The following MARCHF1 variants were observed in gnomAD, a reference collection of about 807,000 sequenced individuals.
MARCHF1 encodes membrane associated ring-CH-type finger 1.
In MARCHF1, 40 loss-of-function variants were observed where a neutral mutation model predicts 54.2. The observed-to-expected ratio is 0.74, with a 90% CI of 0.57 to 0.96. MARCHF1 has a LOEUF of 0.96. Ranked by LOEUF, MARCHF1 falls within the 40% of genes least tolerant of loss-of-function variation. MARCHF1 has a pLI of 0.00. For synonymous variants in MARCHF1, 236 were observed against 236.3 expected, an observed-to-expected ratio of 1.00 and a Z score of 0.01; for missense variants, 586 against 656.5, an observed-to-expected ratio of 0.89 and a Z score of 1.17.
At chr4:163,872,057 A>T (rs1750180340) in intron 3 of MARCHF1, among the ~76,000 whole-genome samples, 1 of 152,256 alleles carries the variant, frequency 6.6e-6, no homozygotes, top group African/African-American at 2.4e-5. Flanking sequence ...ACAATAAATC[A>T]ACCAGTAGAT....
At chr4:164,331,557 G>A (rs1397469759) in intron 1 of MARCHF1, among the ~76,000 whole-genome samples, 3 of 152,138 alleles carry the variant, frequency 2.0e-5, no homozygotes, top group Non-Finnish European at 4.4e-5. Context: ...TAAAATGCTA[G>A]CAGAGTTCAC....
In MARCHF1 at chr4:164,138,793, T is replaced by A. The variant is rs140448732; in HGVS notation, c.-322-27131A>T. Among the ~76,000 whole-genome samples the A allele has an allele frequency of 2.2e-4, 33 of 152,280 alleles. 1 individual carries two copies. The highest frequency in any genetic ancestry group is 7.0e-4 in the African/African-American group (29 of 41,548). On this transcript the variant is annotated intron_variant, in intron 1 of 9. Coordinates refer to ENST00000514618, the MANE Select transcript of MARCHF1 (RefSeq NM_001394959.1). Reference sequence around the variant, plus strand: ...CCTTGCTGGGAGAAGTTTCCAGCAATAAGTAAGGCTATCTTAGAGAGATTA... The same window carrying A: ...CCTTGCTGGGAGAAGTTTCCAGCAAAAAGTAAGGCTATCTTAGAGAGATTA...
intron 4 of MARCHF1, among the ~76,000 whole-genome samples, chr4:163,733,201 A>ATATATATATATACACGTG (rs1745910293): frequency 2.9e-5 from 1 of 34,260 alleles, no homozygotes; most frequent in African/African-American, 8.8e-5. Context: ...ATATATATAT[A>ATATATATATATACACGTG]TATATATATA....
At chr4:163,573,935 T>C (rs1485007839) in intron 8 of MARCHF1, among the ~76,000 whole-genome samples, 1 of 150,130 alleles carries the variant, frequency 6.7e-6, no homozygotes, top group Non-Finnish European at 1.5e-5. Context: ...ACCAACAGTG[T>C]AAAAGTGTTC....
chr4:164,127,180 T>C (rs1756202789), intron 1 of MARCHF1, among the ~76,000 whole-genome samples: 2 of 152,182 alleles, frequency 1.3e-5, no homozygotes, highest in Admixed American at 6.5e-5. Context: ...TCGTGTTTTG[T>C]GGAAGGTAGA....
intron 2 of MARCHF1, among the ~76,000 whole-genome samples, chr4:164,092,811 A>T (rs900481405): frequency 1.3e-5 from 2 of 151,276 alleles, no homozygotes; most frequent in Admixed American, 1.3e-4. Context: ...CTCAATTATC[A>T]GAAGGAAATT....
intron 8 of MARCHF1, among the ~76,000 whole-genome samples, chr4:163,558,786 TAGAG>T (rs1287230797): frequency 1.3e-5 from 2 of 152,288 alleles, no homozygotes; most frequent in Admixed American, 1.3e-4. Flanking sequence ...GAGCGTGCCC[TAGAG>T]AGAGGGTGAG....
chr4:163,704,702 T>C (rs1744901654), intron 4 of MARCHF1, among the ~76,000 whole-genome samples: 1 of 151,708 alleles, frequency 6.6e-6, no homozygotes, highest in Admixed American at 6.6e-5. Flanking sequence ...GAATATATAA[T>C]ATTAAAACCT....
At chr4:164,345,572 A>ACATCATCAT (rs1368120074) in intron 1 of MARCHF1, among the ~76,000 whole-genome samples, 3 of 90,204 alleles carry the variant, frequency 3.3e-5, no homozygotes, top group African/African-American at 1.3e-4. Context: ...TCTGTCTCAA[A>ACATCATCAT]CATAATAATA....
chr4:163,964,986 G>C (rs968764941), intron 3 of MARCHF1, among the ~76,000 whole-genome samples: 2 of 151,958 alleles, frequency 1.3e-5, no homozygotes, highest in Non-Finnish European at 2.9e-5. Flanking sequence ...GTATATTATT[G>C]ATAGTTTTGC....
chr4:164,215,126 C>A (rs1427156060), intron 1 of MARCHF1, among the ~76,000 whole-genome samples: 1 of 152,190 alleles, frequency 6.6e-6, no homozygotes, highest in Non-Finnish European at 1.5e-5. Context: ...TCCTGGGGTT[C>A]TTTCCTTGGT....
chr4:163,656,107 T>C (rs1302773311), intron 5 of MARCHF1, among the ~76,000 whole-genome samples: 6 of 141,668 alleles, frequency 4.2e-5, no homozygotes, highest in Non-Finnish European at 7.5e-5. Flanking sequence ...AAAAAACCAA[T>C]GAATCCAGGA....
intron 2 of MARCHF1, among the ~76,000 whole-genome samples, chr4:164,078,868 A>G (rs985085273): frequency 1.3e-5 from 2 of 152,184 alleles, no homozygotes; most frequent in Non-Finnish European, 2.9e-5. Context: ...ATGTATACAT[A>G]TGTAACAAAC....
At chr4:163,672,593 T>C (rs968655154) in intron 5 of MARCHF1, among the ~76,000 whole-genome samples, 4 of 152,248 alleles carry the variant, frequency 2.6e-5, no homozygotes, top group African/African-American at 9.6e-5. Flanking sequence ...ATTGTTTTGA[T>C]GTGTCATATT....
At chr4:163,862,788 T>C (rs1260830535) in intron 3 of MARCHF1, among the ~76,000 whole-genome samples, 1 of 152,054 alleles carries the variant, frequency 6.6e-6, no homozygotes, top group Non-Finnish European at 1.5e-5. Flanking sequence ...GTTTTATTCA[T>C]AATCACCAAA....
chr4:163,750,206 T>G (rs1343810150), intron 4 of MARCHF1, among the ~76,000 whole-genome samples: 1 of 152,044 alleles, frequency 6.6e-6, no homozygotes, highest in Non-Finnish European at 1.5e-5. Context: ...TCAGAGACAC[T>G]GAATCAATAA....
intron 2 of MARCHF1, among the ~76,000 whole-genome samples, chr4:164,052,780 C>T (rs902709371): frequency 2.0e-5 from 3 of 152,012 alleles, no homozygotes; most frequent in African/African-American, 7.2e-5. Flanking sequence ...AAGACTGATG[C>T]CACTTCCTGA....
chr4:164,188,463 C>T (rs937186594), intron 1 of MARCHF1: 2 of 648,710 alleles, frequency 3.1e-6, no homozygotes, highest in Non-Finnish European at 5.7e-6. Context: ...GACGTGGGCA[C>T]GGTGGTCTGC....
intron 1 of MARCHF1, among the ~76,000 whole-genome samples, chr4:164,211,387 T>C (rs188215435): frequency 8.2e-5 from 12 of 145,472 alleles, no homozygotes; most frequent in East Asian, 3.9e-4. Flanking sequence ...TGTATATATA[T>C]ACACACACAC....
Sources: gnomAD v4.1 joint callset for allele counts (sites outside exome capture counted in the v4.1 genomes callset) on GRCh38, gnomAD v4.1.1 for gene constraint, MANE v1.5 for transcripts, NCBI Gene and HGNC (gene_info 2026-07-23, HGNC 2026-07-21) for gene names.